The following MYZAP variants were observed in gnomAD, a reference collection of about 807,000 sequenced individuals.
The protein encoded by MYZAP is GRINL1A complex locus upstream.
In MYZAP, 66 loss-of-function variants were observed where a neutral mutation model predicts 69.4. The ratio of observed to expected loss-of-function variants is 0.95; its 90% confidence interval spans 0.78 to 1.17. The LOEUF is 1.17. Ranked by LOEUF, MYZAP falls within the 50% of genes most tolerant of loss-of-function variation. MYZAP has a pLI of 0.00. For synonymous variants in MYZAP, 256 were observed against 205.9 expected, an observed-to-expected ratio of 1.24 and a Z score of -2.09; for missense variants, 611 against 556.2, an observed-to-expected ratio of 1.10 and a Z score of -0.99.
At chr15:57,615,438 C>T (rs1272396772) in intron 2 of MYZAP, among the ~76,000 whole-genome samples, 1 of 152,336 alleles carries the variant, frequency 6.6e-6, no homozygotes, top group Non-Finnish European at 1.5e-5. Context: ...GTTTTCCCTG[C>T]TCCGTGGCGG....
intron 4 of MYZAP, among the ~76,000 whole-genome samples, chr15:57,625,104 C>A (rs1371110819): frequency 1.3e-5 from 2 of 151,402 alleles, no homozygotes; most frequent in Non-Finnish European, 2.9e-5. Context: ...GTCACCCAGG[C>A]TGGAGTGCAA....
At chr15:57,623,392 G>A (rs1207702664) in intron 4 of MYZAP, among the ~76,000 whole-genome samples, 1 of 152,128 alleles carries the variant, frequency 6.6e-6, no homozygotes, top group Admixed American at 6.5e-5. Flanking sequence ...ATTTATTGTA[G>A]CATTGTTTGT....
At position 57,640,480 on chromosome 15, in the gene MYZAP, T is replaced by C. The variant is rs114272132; in HGVS notation, c.1119+935T>C. Among the ~76,000 whole-genome samples, 1,268 of 152,336 alleles carry C rather than the reference T, an allele frequency of 8.3e-3. 21 individuals are homozygous for C. The highest frequency in any genetic ancestry group is 0.029 in the African/African-American group (1,204 of 41,564). ...TGGCAGTGGAAAAATGAAAACACAT[T>C]TTCCTTATATTAAGTACTACTTTAA... On this transcript the variant is annotated intron_variant, in intron 10 of 12. Transcript: ENST00000267853.
At chr15:57,641,605 C>G (rs528199001) in intron 10 of MYZAP, among the ~76,000 whole-genome samples, 2 of 152,160 alleles carry the variant, frequency 1.3e-5, no homozygotes, top group Admixed American at 6.5e-5. Context: ...GTTAGCACCC[C>G]CTAGGGGCTG....
intron 11 of MYZAP, among the ~76,000 whole-genome samples, chr15:57,667,717 C>G (rs183550542): frequency 1.3e-5 from 2 of 152,132 alleles, no homozygotes; most frequent in Admixed American, 1.3e-4. Flanking sequence ...TTATTTTTTA[C>G]CTTATCAACT....
chr15:57,640,391 C>A (rs1028341594), intron 10 of MYZAP, among the ~76,000 whole-genome samples: 4 of 151,978 alleles, frequency 2.6e-5, no homozygotes, highest in Admixed American at 2.6e-4. Flanking sequence ...ATAAGAATTC[C>A]CTTGAGTCTA....
intron 11 of MYZAP, among the ~76,000 whole-genome samples, chr15:57,671,383 G>A (rs772098344): frequency 3.9e-5 from 6 of 152,066 alleles, no homozygotes; most frequent in Non-Finnish European, 7.4e-5. Context: ...AATTTATCCT[G>A]TTTGGGGTTT....
At chr15:57,598,183 G>A (rs1595846812) in intron 1 of MYZAP, among the ~76,000 whole-genome samples, 1 of 152,268 alleles carries the variant, frequency 6.6e-6, no homozygotes, top group Non-Finnish European at 1.5e-5. Flanking sequence ...TACCCCGTAG[G>A]TGAGACCCAG....
rs1177063841 is a variant in MYZAP, at chr15:57,629,849, A to G, written c.673A>G (p.Met225Val). 6.2e-7 allele frequency: 1 copy of G among 1,613,492 alleles called. No homozygotes were observed. Among genetic ancestry groups the G allele is most frequent in the Non-Finnish European group, 8.5e-7 (1 of 1,179,864 alleles). ...VAQVENQLLK[M>V]KVESSQEANA... Reference sequence around the variant, plus strand: ...GCAAGTTGAAAACCAGCTGCTAAAAATGAAGGTGGAGTATAAAAGCCTAGA... The same window carrying G: ...GCAAGTTGAAAACCAGCTGCTAAAAGTGAAGGTGGAGTATAAAAGCCTAGA... The change falls in exon 6 of 13, where the codon ATG becomes GTG. Residue 225 changes from methionine (M) to valine (V), a missense_variant. Physicochemically the swap from Met to Val is conservative, Grantham distance 21. Transcript: ENST00000267853.
Position 57,684,954 on chromosome 15 carries a change from A to C in MYZAP, c.*456A>C, listed in dbSNP as rs2039623187. Reference sequence around the variant, plus strand: ...TGATACAGAGAGGCCTGTCCACAAGAAGCATGGGCACCCAGCCAAACTTGA... The same window carrying C: ...TGATACAGAGAGGCCTGTCCACAAGCAGCATGGGCACCCAGCCAAACTTGA... On this transcript the variant is annotated 3_prime_UTR_variant, in exon 13 of 13. Coordinates refer to ENST00000267853, the MANE Select transcript of MYZAP (RefSeq NM_001018100.5). 6.5e-6 allele frequency: 1 copy of C among 153,480 alleles called. No individual in the cohort carries two copies. The highest frequency in any genetic ancestry group is 1.4e-5 in the Non-Finnish European group (1 of 69,018). 9.5% of individuals were successfully genotyped at this position (153,480 alleles called of 1,614,324 possible). A position where few individuals can be genotyped will look rare whatever the true frequency, so the allele number is the denominator to read the frequency against.
chr15:57,646,258 C>A (rs2037441646), intron 10 of MYZAP: 1 of 1,287,674 alleles, frequency 7.8e-7, no homozygotes, highest in Non-Finnish European at 1.0e-6. Flanking sequence ...AACACTTGTA[C>A]ACTCTCTGCT....
intron 1 of MYZAP, among the ~76,000 whole-genome samples, chr15:57,602,416 T>C (rs1271324056): frequency 6.6e-6 from 1 of 152,190 alleles, no homozygotes; most frequent in Non-Finnish European, 1.5e-5. Flanking sequence ...GATCGCCCTG[T>C]ATGTGTGTCT....
intron 12 of MYZAP, among the ~76,000 whole-genome samples, chr15:57,684,046 G>A (rs536174401): frequency 2.0e-5 from 3 of 151,996 alleles, no homozygotes; most frequent in East Asian, 1.9e-4. Flanking sequence ...CCCCTGCCTC[G>A]GCCTTCCAAA....
intron 10 of MYZAP, among the ~76,000 whole-genome samples, chr15:57,650,947 T>C (rs1388780556): frequency 6.6e-6 from 1 of 152,188 alleles, no homozygotes; most frequent in African/African-American, 2.4e-5. Flanking sequence ...TGACACCAAT[T>C]GTGATGGTTT....
intron 1 of MYZAP, among the ~76,000 whole-genome samples, chr15:57,600,133 C>T (rs1207372290): frequency 2.6e-5 from 4 of 152,142 alleles, no homozygotes; most frequent in East Asian, 1.9e-4. Context: ...ATGTTTTGTT[C>T]TGCAACTTTC....
chr15:57,656,125 A>C (rs1464155234), intron 10 of MYZAP, among the ~76,000 whole-genome samples: 1 of 152,208 alleles, frequency 6.6e-6, no homozygotes. Flanking sequence ...CATACCAGCT[A>C]TATGGTAACC....
Position 57,604,175 on chromosome 15 carries a change from T to G in MYZAP, c.76-94T>G, listed in dbSNP as rs1328804678. On this transcript the variant is annotated intron_variant, in intron 1 of 12. Coordinates refer to ENST00000267853, the MANE Select transcript of MYZAP (RefSeq NM_001018100.5). ...TCAGGACAGTGTTCCCCAATGGAAG[T>G]AGGGGAAATGGGCTGTGAGAAGCCC... 4.7e-6 allele frequency: 6 copies of G among 1,279,992 alleles called. No individual in the cohort carries two copies. In the African/African-American group the frequency reaches 8.8e-5, roughly 19 times the overall value. The allele number at this position is 1,279,992 out of a possible 1,614,324, so 79.3% of individuals were successfully genotyped here.
intron 9 of MYZAP, among the ~76,000 whole-genome samples, 185 bp from the exon 10 acceptor site, chr15:57,639,255 C>T (rs570746842): frequency 1.3e-5 from 2 of 151,512 alleles, no homozygotes; most frequent in South Asian, 2.1e-4. Context: ...GCATATTGCC[C>T]AGGCTGGTCT....
chr15:57,683,741 T>C (rs1207245441), intron 12 of MYZAP, among the ~76,000 whole-genome samples: 1 of 152,004 alleles, frequency 6.6e-6, no homozygotes, highest in African/African-American at 2.4e-5. Flanking sequence ...ATGTATAGTG[T>C]CTTCTTGCTA....
Sources: gnomAD v4.1 joint callset for allele counts (sites outside exome capture counted in the v4.1 genomes callset) on GRCh38, gnomAD v4.1.1 for gene constraint, MANE v1.5 for transcripts, NCBI Gene and HGNC (gene_info 2026-07-23, HGNC 2026-07-21) for gene names.